MTA1: variants seen among roughly 807,000 people sequenced by gnomAD.
The protein encoded by MTA1 is metastasis-associated protein MTA1.
A neutral mutation model predicts 97.0 loss-of-function variants in MTA1; 15 were observed. That is an observed-to-expected ratio of 0.15 (90% CI 0.10 to 0.24). The LOEUF (loss-of-function observed/expected upper bound fraction) is 0.24, where lower values mean the gene tolerates loss of function less well. MTA1 is among the 10% of genes least tolerant of loss of function. The pLI, the probability that MTA1 is intolerant of heterozygous loss-of-function variation, is 1.00. For missense variants in MTA1, 709 were observed against 1,015.1 expected, an observed-to-expected ratio of 0.70 and a Z score of 4.10; for synonymous variants, 435 against 417.5, an observed-to-expected ratio of 1.04 and a Z score of -0.51.
chr14:105,457,486 T>C (rs2083196697), intron 7 of MTA1, among the ~76,000 whole-genome samples: 1 of 152,194 alleles, frequency 6.6e-6, no homozygotes. Flanking sequence ...GTGCCAGGCT[T>C]AGCCGCAGCT....
At chr14:105,441,238 C>T (rs1156958390) in intron 2 of MTA1, among the ~76,000 whole-genome samples, 6 of 151,820 alleles carry the variant, frequency 4.0e-5, no homozygotes, top group Admixed American at 2.6e-4. Flanking sequence ...GATCGCCTGG[C>T]TCATGGCCTG....
chr14:105,448,343 C>T (rs1011958268), intron 3 of MTA1, among the ~76,000 whole-genome samples: 5 of 152,162 alleles, frequency 3.3e-5, no homozygotes, highest in African/African-American at 1.2e-4. Flanking sequence ...CCCGCATCTC[C>T]GACAGGCTGC....
At chr14:105,426,375 CAAA>C (rs781801650) in intron 1 of MTA1, among the ~76,000 whole-genome samples, 5 of 104,092 alleles carry the variant, frequency 4.8e-5, no homozygotes, top group African/African-American at 2.0e-4. Context: ...CTTCGTCTCA[CAAA>C]AAAAAAAAAA....
At chr14:105,456,148 T>C (rs2141621143) in intron 7 of MTA1, among the ~76,000 whole-genome samples, 1 of 152,306 alleles carries the variant, frequency 6.6e-6, no homozygotes, top group South Asian at 2.1e-4. Context: ...GGGGCTGTCT[T>C]GCCTTTCTGG....
chr14:105,464,191 T>C, intron 13 of MTA1, 44 bp downstream of exon 13: 1 of 1,571,554 alleles, frequency 6.4e-7, no homozygotes, highest in East Asian at 2.2e-5. Flanking sequence ...CGCCCGCCTG[T>C]GGGCCGTGGT....
intron 3 of MTA1, 73 bp downstream of exon 3, chr14:105,445,584 C>A: frequency 6.7e-7 from 1 of 1,484,986 alleles, no homozygotes; most frequent in Non-Finnish European, 9.3e-7. Context: ...GGTCCTTCTT[C>A]CCTAGGGCCC....
chr14:105,443,905 A>G (rs999010254), intron 2 of MTA1, among the ~76,000 whole-genome samples: 10 of 151,928 alleles, frequency 6.6e-5, no homozygotes, highest in Admixed American at 6.6e-4. Context: ...CCTGGCCAAC[A>G]TGGTAAAACC....
intron 18 of MTA1, 27 bp downstream of exon 18, chr14:105,466,769 C>T: frequency 1.3e-6 from 2 of 1,558,826 alleles, no homozygotes; most frequent in South Asian, 1.2e-5. Flanking sequence ...CGGGCGGGCG[C>T]TGCGCCGGCC....
In MTA1 at chr14:105,438,658, G is replaced by T. The variant is rs782224816; in HGVS notation, c.29-14G>T. ...TGGTGCCACAGGTGGCACTCTCTCT[G>T]TTGCTGTTTGCAGACTACGTCTACT... On this transcript the variant is annotated splice_polypyrimidine_tract_variant and intron_variant, in intron 1 of 20. Coordinates refer to ENST00000331320, the MANE Select transcript of MTA1 (RefSeq NM_004689.4). 1 of 1,613,338 alleles carries T rather than the reference G, an allele frequency of 6.2e-7. No individual in the cohort carries two copies. Among genetic ancestry groups the T allele is most frequent in the African/African-American group, 1.3e-5 (1 of 75,030 alleles).
At chr14:105,433,264 C>T (rs1444889494) in intron 1 of MTA1, among the ~76,000 whole-genome samples, 10 of 152,068 alleles carry the variant, frequency 6.6e-5, no homozygotes, top group East Asian at 3.9e-4. Context: ...CAAGCAGGGA[C>T]GCTCCCGTGA....
rs190947436 is a variant in MTA1, at chr14:105,468,870, G to A, written c.1814-597G>A. 1.8e-3 allele frequency: 504 copies of A among 277,378 alleles called. 3 individuals carry two copies. Among genetic ancestry groups the A allele is most frequent in the African/African-American group, 0.011 (473 of 44,536 alleles). 17.2% of individuals were successfully genotyped at this position (277,378 alleles called of 1,614,324 possible). A position where few individuals can be genotyped will look rare whatever the true frequency, so the allele number is the denominator to read the frequency against. On this transcript the variant is annotated intron_variant, in intron 18 of 20. Transcript: ENST00000331320. The stretch of plus-strand genomic sequence containing the variant: ...GGGGGTGACCAGGAGCATGGACCCC[G>A]CTTCTTGGCCCAACTCCCGCAGTGC...
Position 105,420,190 on chromosome 14 carries a change from C to A in MTA1, c.28+127C>A. ...CCCCGCCCGCCCTCGCGGCCCCCGG[C>A]TCCTTCCCGAACCGCCCCCCGCCGT... On this transcript the variant is annotated intron_variant, in intron 1 of 20. Transcript: ENST00000331320. The surrounding 1 kb of genome is among the most constrained non-coding windows in gnomAD (Gnocchi z 5.3). 2.3e-6 allele frequency: 1 copy of A among 433,706 alleles called. No homozygotes were observed. The highest frequency in any genetic ancestry group is 2.1e-5 in the African/African-American group (1 of 46,540). The allele number at this position is 433,706 out of a possible 1,614,324, so 26.9% of individuals were successfully genotyped here.
intron 1 of MTA1, among the ~76,000 whole-genome samples, chr14:105,428,008 A>C (rs2082061604): frequency 2.6e-5 from 2 of 77,106 alleles, no homozygotes; most frequent in African/African-American, 1.1e-4. Context: ...ACAGAGTGAG[A>C]CTCTCTCAAA....
At position 105,470,037 on chromosome 14, in the gene MTA1, C is replaced by T. The variant is rs201747293; in HGVS notation, c.1998-28C>T. On this transcript the variant is annotated intron_variant, in intron 20 of 20. Transcript: ENST00000331320. ...GGCGGGAGGGCTCCGCACAGCGTCC[C>T]GGCCCTCACCACCACCTCTGCCCAC... The T allele has an allele frequency of 1.4e-4, 229 of 1,612,574 alleles. 1 individual carries two copies. In the African/African-American group the frequency reaches 1.7e-3, roughly 12 times the overall value.
intron 9 of MTA1, 55 bp downstream of exon 9, chr14:105,460,512 T>A: frequency 2.3e-5 from 34 of 1,501,526 alleles, no homozygotes; most frequent in Non-Finnish European, 2.6e-5. Context: ...TGGCCCAGAG[T>A]GGCTGCGCCC....
intron 2 of MTA1, among the ~76,000 whole-genome samples, chr14:105,445,199 T>G (rs58257771): frequency 6.6e-6 from 1 of 152,164 alleles, no homozygotes; most frequent in Non-Finnish European, 1.5e-5. Context: ...AGGTTGAGGT[T>G]GGGTGCACAC....
Position 105,420,317 on chromosome 14 carries a change from G to A in MTA1, c.28+254G>A, listed in dbSNP as rs2081785065. On this transcript the variant is annotated intron_variant, in intron 1 of 20. Coordinates refer to ENST00000331320, the MANE Select transcript of MTA1 (RefSeq NM_004689.4). The surrounding 1 kb of genome is among the most constrained non-coding windows in gnomAD (Gnocchi z 5.3). ...GGCGGCCCACCTGTTGGGGCCGAGG[G>A]GGCGGCCGCGGGGGTGGCGGGGGGG... is the stretch of plus-strand genomic sequence containing the variant. 6.6e-6 allele frequency among the ~76,000 whole-genome samples: 1 copy of A among 150,614 alleles called. No individual in the cohort carries two copies. The highest frequency in any genetic ancestry group is 2.4e-5 in the African/African-American group (1 of 41,268).
chr14:105,422,064 C>A lies in MTA1; in HGVS notation c.28+2001C>A, dbSNP rs2081855968. ...ACAGCCACGCGTGGGATCCAGACTGCTTCTGCGTGTGCAGTCCGTGGTCAC... is the reference window on the plus strand; with the variant it reads ...ACAGCCACGCGTGGGATCCAGACTGATTCTGCGTGTGCAGTCCGTGGTCAC... On this transcript the variant is annotated intron_variant, in intron 1 of 20. Transcript: ENST00000331320. The surrounding 1 kb of genome is among the most constrained non-coding windows in gnomAD (Gnocchi z 4.3). Among the ~76,000 whole-genome samples the A allele has an allele frequency of 6.6e-6, 1 of 152,230 alleles. No homozygotes were observed. The highest frequency in any genetic ancestry group is 6.5e-5 in the Admixed American group (1 of 15,288).
chr14:105,436,575 C>T (rs891547353), intron 1 of MTA1, among the ~76,000 whole-genome samples: 2 of 152,184 alleles, frequency 1.3e-5, no homozygotes, highest in South Asian at 2.1e-4. Context: ...TGCACGCAGC[C>T]GTCGTGCCTG....
Sources: gnomAD v4.1 joint callset for allele counts (sites outside exome capture counted in the v4.1 genomes callset) on GRCh38, gnomAD v4.1.1 for gene constraint, Gnocchi (gnomAD v3.1) non-coding constraint, MANE v1.5 for transcripts, NCBI Gene and HGNC (gene_info 2026-07-23, HGNC 2026-07-21) for gene names.